The following RPS6KC1 variants were observed in gnomAD, a reference collection of about 807,000 sequenced individuals.
The protein encoded by RPS6KC1 is ribosomal protein S6 kinase C1.
In RPS6KC1, 54 loss-of-function variants were observed where a neutral mutation model predicts 103.8. The ratio of observed to expected loss-of-function variants is 0.52; its 90% CI spans 0.42 to 0.65. The LOEUF is 0.65. RPS6KC1 is among the 30% of genes least tolerant of loss of function. The pLI, the probability that RPS6KC1 is intolerant of heterozygous loss-of-function variation, is 0.00. For missense variants in RPS6KC1, 1,151 were observed against 1,253.8 expected (o/e 0.92, Z 1.24); for synonymous variants, 439 against 438.7 (o/e 1.00, Z -0.01).
chr1:213,355,451 C>T, the RPS6KC1 span, among the ~76,000 whole-genome samples: 9 of 151,944 alleles, frequency 5.9e-5, no homozygotes, highest in African/African-American at 1.7e-4. Context: ...AGCACGGGCA[C>T]GGGGCAGTTG....
At chr1:213,570,106 C>T in the RPS6KC1 span, among the ~76,000 whole-genome samples, 9 of 152,200 alleles carry the variant, frequency 5.9e-5, no homozygotes, top group Middle Eastern at 3.4e-3. Flanking sequence ...GAGACTTTAC[C>T]CAAGAAGGCT....
At chr1:213,848,083 C>T in the RPS6KC1 span, among the ~76,000 whole-genome samples, 2 of 151,944 alleles carry the variant, frequency 1.3e-5, no homozygotes, top group African/African-American at 4.8e-5. Flanking sequence ...AAGCAGTAAT[C>T]CAGATTGGGT....
At chr1:213,106,804 C>A (rs915729117) in intron 4 of RPS6KC1, among the ~76,000 whole-genome samples, 1 of 152,114 alleles carries the variant, frequency 6.6e-6, no homozygotes, top group African/African-American at 2.4e-5. Context: ...TTATCTATAC[C>A]TTTCCATCCC....
intron 14 of RPS6KC1, among the ~76,000 whole-genome samples, chr1:213,267,472 C>G (rs1194781016): frequency 6.6e-6 from 1 of 151,870 alleles, no homozygotes; most frequent in Non-Finnish European, 1.5e-5. Flanking sequence ...AATATACTAT[C>G]TAAAATGTCC....
chr1:213,123,804 G>T (rs569769035), intron 5 of RPS6KC1, among the ~76,000 whole-genome samples: 1 of 152,264 alleles, frequency 6.6e-6, no homozygotes, highest in Admixed American at 6.5e-5. Flanking sequence ...TCAGGGCTCA[G>T]TGAAAGCTAT....
At chr1:213,464,406 C>A in the RPS6KC1 span, among the ~76,000 whole-genome samples, 2 of 152,148 alleles carry the variant, frequency 1.3e-5, no homozygotes, top group African/African-American at 4.8e-5. Context: ...TAACATTTTA[C>A]ATAGAATTCT....
chr1:213,353,776 A>G, the RPS6KC1 span, among the ~76,000 whole-genome samples: 2 of 152,190 alleles, frequency 1.3e-5, no homozygotes, highest in African/African-American at 2.4e-5. Context: ...ATTGCAAGCA[A>G]TTTTTTGGTA....
chr1:213,095,757 G>A (rs2081392425), intron 3 of RPS6KC1, among the ~76,000 whole-genome samples: 1 of 152,216 alleles, frequency 6.6e-6, no homozygotes, highest in Non-Finnish European at 1.5e-5. Flanking sequence ...TGAGTGTGCA[G>A]TAGCACTATG....
intron 8 of RPS6KC1, among the ~76,000 whole-genome samples, chr1:213,228,124 A>G (rs139400503): frequency 2.0e-5 from 3 of 152,318 alleles, no homozygotes; most frequent in African/African-American, 7.2e-5. Flanking sequence ...GTGCTGTGTA[A>G]AACAGCAGAA....
At chr1:213,270,826 A>C (rs749224853) in intron 14 of RPS6KC1, among the ~76,000 whole-genome samples, 9 of 152,242 alleles carry the variant, frequency 5.9e-5, no homozygotes, top group Non-Finnish European at 7.3e-5. Flanking sequence ...GCTAACGAGC[A>C]CATGAAAAGA....
At chr1:213,747,665 G>A in the RPS6KC1 span, among the ~76,000 whole-genome samples, 1 of 152,214 alleles carries the variant, frequency 6.6e-6, no homozygotes, top group South Asian at 2.1e-4. Flanking sequence ...AATTTAAACT[G>A]CATCCTTGCC....
chr1:213,731,415 A>G, the RPS6KC1 span: 9 of 151,992 alleles, frequency 5.9e-5, 1 homozygote, highest in Middle Eastern at 6.3e-3. Flanking sequence ...TCATCTCTGC[A>G]GCAGGACCTA....
chr1:213,295,555 G>T, the RPS6KC1 span, among the ~76,000 whole-genome samples: 1 of 152,186 alleles, frequency 6.6e-6, no homozygotes, highest in Non-Finnish European at 1.5e-5. Flanking sequence ...ATTTGCTAGA[G>T]ACTAAGGAGC....
At chr1:213,389,863 TC>T in the RPS6KC1 span, among the ~76,000 whole-genome samples, 1 of 152,210 alleles carries the variant, frequency 6.6e-6, no homozygotes, top group African/African-American at 2.4e-5. Flanking sequence ...GGGTTTTTTT[TC>T]ATCCCAGGAA....
chr1:213,618,675 TG>T, the RPS6KC1 span, among the ~76,000 whole-genome samples: 2 of 152,330 alleles, frequency 1.3e-5, no homozygotes, highest in African/African-American at 4.8e-5. Flanking sequence ...CAGAATGAGA[TG>T]GTATTCCAGG....
At chr1:213,833,309 A>G in the RPS6KC1 span, among the ~76,000 whole-genome samples, 132 of 152,308 alleles carry the variant, frequency 8.7e-4, no homozygotes, top group African/African-American at 3.1e-3. Flanking sequence ...GGTGTACCCC[A>G]TGGATATCCA....
the RPS6KC1 span, among the ~76,000 whole-genome samples, chr1:213,483,319 G>A: frequency 6.6e-6 from 1 of 152,208 alleles, no homozygotes; most frequent in Non-Finnish European, 1.5e-5. Context: ...TACAATTTGA[G>A]ATGAGATTTG....
chr1:213,746,457 C>G, the RPS6KC1 span, among the ~76,000 whole-genome samples: 11,365 of 151,988 alleles, frequency 0.075, 568 homozygotes, highest in Middle Eastern at 0.19. Context: ...TGTGGGTGGC[C>G]GAGGGTGAGT....
the RPS6KC1 span, among the ~76,000 whole-genome samples, chr1:213,705,890 A>G: frequency 1.3e-5 from 2 of 152,202 alleles, no homozygotes; most frequent in Non-Finnish European, 2.9e-5. Context: ...TCTAGAAGCT[A>G]CAGCCTAGAA....
Sources: allele counts gnomAD v4.1 joint callset (sites outside exome capture counted in the v4.1 genomes callset), GRCh38; gene constraint gnomAD v4.1.1; transcripts MANE v1.5; gene names NCBI Gene and HGNC (gene_info 2026-07-23, HGNC 2026-07-21).